Variants in CSMD1 observed in about 807,000 individuals in gnomAD.
The protein encoded by CSMD1 is CUB and sushi domain-containing protein 1.
In CSMD1, 213 loss-of-function variants were observed where a neutral mutation model predicts 417.5. The ratio of observed to expected loss-of-function variants is 0.51; its 90% CI spans 0.46 to 0.57. The LOEUF (loss-of-function observed/expected upper bound fraction) is 0.57. Among genes scored for constraint, CSMD1 ranks in the 20% least tolerant of loss-of-function variants. The pLI is 0.00. For missense variants in CSMD1, 6,923 were observed against 4,529.7 expected (o/e 1.53, Z -15.17); for synonymous variants, 2,862 against 1,736.8 (o/e 1.65, Z -16.11).
chr8:3,124,914 T>C lies in CSMD1; in HGVS notation c.6242-6327A>G, dbSNP rs147323388. Among the ~76,000 whole-genome samples, 277 of 152,356 alleles carry C rather than the reference T, an allele frequency of 1.8e-3. 1 individual carries two copies. Among genetic ancestry groups the C allele is most frequent in the African/African-American group, 6.2e-3 (256 of 41,590 alleles). ...TAGTTTCTTTTTCTATTGTAAACTA[T>C]ACACTAAGTAAGAGTATCACTAAGT... On this transcript the variant is annotated intron_variant, in intron 41 of 69. Coordinates refer to ENST00000635120, the MANE Select transcript of CSMD1 (RefSeq NM_033225.6).
chr8:3,822,101 C>G (rs959557387), intron 5 of CSMD1, among the ~76,000 whole-genome samples: 4 of 151,856 alleles, frequency 2.6e-5, no homozygotes, highest in Non-Finnish European at 5.9e-5. Flanking sequence ...TGTTTTGTCT[C>G]CGATTTTTCT....
Position 4,041,809 on chromosome 8 carries a change from C to G in CSMD1, c.416-9710G>C, listed in dbSNP as rs528133449. 8.6e-5 allele frequency among the ~76,000 whole-genome samples: 13 copies of G among 151,656 alleles called. No homozygotes were observed. In the East Asian group the frequency reaches 2.3e-3, roughly 27 times the overall value. On this transcript the variant is annotated intron_variant, in intron 3 of 69. Transcript: ENST00000635120. ...AATATTAAAAAACAAACAAACATACCCACAAAAAAACAAAACAAACCCAGA... is the reference window on the plus strand; with the variant it reads ...AATATTAAAAAACAAACAAACATACGCACAAAAAAACAAAACAAACCCAGA...
At chr8:3,370,539 G>A (rs1008687343) in intron 18 of CSMD1, among the ~76,000 whole-genome samples, 2 of 152,224 alleles carry the variant, frequency 1.3e-5, no homozygotes, top group African/African-American at 4.8e-5. Context: ...GGGCTGCCCA[G>A]ATAGCTGGTA....
At chr8:4,769,994 TC>T (rs1796521493) in intron 1 of CSMD1, among the ~76,000 whole-genome samples, 1 of 152,004 alleles carries the variant, frequency 6.6e-6, no homozygotes, top group African/African-American at 2.4e-5. Flanking sequence ...TCTCTCTCCC[TC>T]CCTTTTTGCA....
chr8:3,876,835 C>T (rs1342955801), intron 5 of CSMD1, among the ~76,000 whole-genome samples: 1 of 152,164 alleles, frequency 6.6e-6, no homozygotes, highest in African/African-American at 2.4e-5. Flanking sequence ...TGGTCTTGAA[C>T]TTCTGACCTC....
chr8:3,783,104 C>G (rs933225432), intron 5 of CSMD1, among the ~76,000 whole-genome samples: 1 of 152,170 alleles, frequency 6.6e-6, no homozygotes, highest in East Asian at 1.9e-4. Context: ...CCAGCCTCCA[C>G]CATCCTCCCT....
chr8:3,071,067 G>A (rs768670447), intron 49 of CSMD1, among the ~76,000 whole-genome samples: 78 of 152,266 alleles, frequency 5.1e-4, no homozygotes, highest in Non-Finnish European at 8.7e-4. Context: ...AGGAGCAAGA[G>A]GTGGGTGGGG....
intron 25 of CSMD1, among the ~76,000 whole-genome samples, chr8:3,288,766 A>AT (rs1172279725): frequency 6.8e-5 from 10 of 146,614 alleles, no homozygotes; most frequent in African/African-American, 1.1e-4. Context: ...GGATTCATTG[A>AT]TTTTTTGAAG....
intron 5 of CSMD1, among the ~76,000 whole-genome samples, chr8:3,987,287 T>C (rs141724569): frequency 6.6e-6 from 1 of 152,174 alleles, no homozygotes; most frequent in African/African-American, 2.4e-5. Flanking sequence ...CTGTAACATG[T>C]TCTGTGATGA....
At chr8:4,331,576 G>A (rs1799871105) in intron 3 of CSMD1, among the ~76,000 whole-genome samples, 1 of 152,136 alleles carries the variant, frequency 6.6e-6, no homozygotes, top group Non-Finnish European at 1.5e-5. Context: ...CTGGGAGACT[G>A]CAGACAATGG....
At chr8:3,635,350 T>A (rs1796982124) in intron 7 of CSMD1, among the ~76,000 whole-genome samples, 1 of 152,034 alleles carries the variant, frequency 6.6e-6, no homozygotes, top group Admixed American at 6.5e-5. Flanking sequence ...GGTGCACACC[T>A]GTAATCCCAG....
Position 3,187,918 on chromosome 8 carries a change from C to G in CSMD1, c.5571G>C (p.Glu1857Asp). The G allele has an allele frequency of 5.6e-6, 9 of 1,613,438 alleles. No homozygotes were observed. The highest frequency in any genetic ancestry group is 3.3e-5 in the South Asian group (3 of 90,954). The change falls in exon 36 of 70, where the codon GAG (glutamate) becomes GAC (aspartate). Residue 1857 changes from glutamate to aspartate, a missense_variant. Coordinates refer to ENST00000635120, the MANE Select transcript of CSMD1 (RefSeq NM_033225.6). ...FATEQNWDSL[E>D]IHDGGDVTAP... ...CGGTCACATCCCCACCATCGTGGAT[C>G]TCAAGGGAGTCCCAGTTCTGCTCCG... is the stretch of plus-strand genomic sequence containing the variant.
chr8:3,597,777 G>C (rs1244869285), intron 8 of CSMD1, among the ~76,000 whole-genome samples: 1 of 152,128 alleles, frequency 6.6e-6, no homozygotes, highest in Non-Finnish European at 1.5e-5. Flanking sequence ...ATAAGTGGGA[G>C]TTGAACAATG....
Position 4,830,966 on chromosome 8 carries a change from G to A in CSMD1, c.85+163366C>T, listed in dbSNP as rs62484631. 3.1e-3 allele frequency among the ~76,000 whole-genome samples: 476 copies of A among 152,276 alleles called. 1 individual carries two copies. The highest frequency in any genetic ancestry group is 7.3e-3 in the Admixed American group (112 of 15,296). On this transcript the variant is annotated intron_variant, in intron 1 of 69. Transcript: ENST00000635120. Reference sequence around the variant, plus strand: ...TATCTGCTGCCTGAAGAAAAAGGTAGCTAATCAACGAGGCATTTAGAGGCC... The same window carrying A: ...TATCTGCTGCCTGAAGAAAAAGGTAACTAATCAACGAGGCATTTAGAGGCC...
intron 33 of CSMD1, among the ~76,000 whole-genome samples, chr8:3,199,204 A>G (rs1796861662): frequency 6.6e-6 from 1 of 152,204 alleles, no homozygotes; most frequent in Non-Finnish European, 1.5e-5. Context: ...AAAGTTAATA[A>G]AACACAAACA....
At chr8:4,732,514 T>G (rs986777920) in intron 1 of CSMD1, among the ~76,000 whole-genome samples, 1 of 152,074 alleles carries the variant, frequency 6.6e-6, no homozygotes, top group Non-Finnish European at 1.5e-5. Flanking sequence ...CGAGTAACTT[T>G]GCCAAATTCC....
intron 31 of CSMD1, among the ~76,000 whole-genome samples, chr8:3,202,423 C>T (rs748139940): frequency 6.6e-6 from 1 of 152,132 alleles, no homozygotes. Flanking sequence ...TTCATGTATC[C>T]TACAGGTTAT....
At position 4,612,800 on chromosome 8, in the gene CSMD1, C is replaced by A. The variant is rs1410435267; in HGVS notation, c.302+24542G>T. ...CAAACAGCACCAGTAACACCAGCCT[C>A]TGTCTCTTCCTGGCTTTGACAGAAT... On this transcript the variant is annotated intron_variant, in intron 2 of 69. Transcript: ENST00000635120. Among the ~76,000 whole-genome samples, 3 of 152,318 alleles carry A rather than the reference C, an allele frequency of 2.0e-5. No homozygotes were observed. In the South Asian group the frequency reaches 6.2e-4, roughly 32 times the overall value.
At chr8:3,907,064 T>C (rs1808162970) in intron 5 of CSMD1, among the ~76,000 whole-genome samples, 1 of 152,178 alleles carries the variant, frequency 6.6e-6, no homozygotes, top group East Asian at 1.9e-4. Flanking sequence ...TTTCCAAATG[T>C]CGTAGCTAGT....
Sources: gnomAD v4.1 joint callset for allele counts (sites outside exome capture counted in the v4.1 genomes callset) on GRCh38, gnomAD v4.1.1 for gene constraint, MANE v1.5 for transcripts, NCBI Gene and HGNC (gene_info 2026-07-23, HGNC 2026-07-21) for gene names.